CECR2: variants seen among roughly 807,000 people sequenced by gnomAD.
CECR2 encodes chromatin remodeling regulator CECR2.
In CECR2, 30 loss-of-function variants were observed where a neutral mutation model predicts 154.5. The observed-to-expected ratio is 0.19, with a 90% CI of 0.15 to 0.26. CECR2 has a LOEUF of 0.26. Ranked by LOEUF, CECR2 falls within the 10% of genes least tolerant of loss-of-function variation. CECR2 has a pLI of 1.00. For missense variants in CECR2, 1,743 were observed against 1,829.3 expected (o/e 0.95, Z 0.86); for synonymous variants, 725 against 683.7 (o/e 1.06, Z -0.94).
intron 7 of CECR2, among the ~76,000 whole-genome samples, chr22:17,506,495 A>G (rs2055847715): frequency 6.6e-6 from 1 of 152,164 alleles, no homozygotes; most frequent in South Asian, 2.1e-4. Context: ...CACTACGTCC[A>G]TGAACTGTCC....
chr22:17,482,158 C>T (rs2055336423), intron 2 of CECR2, among the ~76,000 whole-genome samples: 1 of 139,498 alleles, frequency 7.2e-6, no homozygotes, highest in Non-Finnish European at 1.5e-5. Context: ...GGCATGGTGA[C>T]TCACGCCTGC....
rs73876447 is a variant in CECR2 at position 17,453,683 on chromosome 22, A to G, written c.127-23905A>G. Among the ~76,000 whole-genome samples, 604 of 152,288 alleles carry G rather than the reference A, an allele frequency of 4.0e-3. 3 individuals carry two copies. Among genetic ancestry groups the G allele is most frequent in the African/African-American group, 0.012 (512 of 41,554 alleles). On this transcript the variant is annotated intron_variant, in intron 1 of 18. Coordinates refer to ENST00000262608, the MANE Select transcript of CECR2 (RefSeq NM_001290047.2). Reference sequence around the variant, plus strand: ...TACCAACATGACTGGCACAAGAATTATATTTTGGTTTTAGAAACTTTTCCT... The same window carrying G: ...TACCAACATGACTGGCACAAGAATTGTATTTTGGTTTTAGAAACTTTTCCT...
intron 8 of CECR2, among the ~76,000 whole-genome samples, chr22:17,523,417 C>G (rs960377679): frequency 6.6e-6 from 1 of 151,426 alleles, no homozygotes; most frequent in African/African-American, 2.4e-5. Flanking sequence ...GAGTGACTGT[C>G]TTTCATCCTA....
At chr22:17,392,098 C>T (rs1386124818) in intron 1 of CECR2, among the ~76,000 whole-genome samples, 5 of 152,168 alleles carry the variant, frequency 3.3e-5, no homozygotes, top group Non-Finnish European at 5.9e-5. Flanking sequence ...GTGTGAGCCA[C>T]CGCGTCTGGC....
intron 1 of CECR2, among the ~76,000 whole-genome samples, chr22:17,405,012 G>C (rs1302982347): frequency 6.6e-6 from 1 of 152,064 alleles, no homozygotes; most frequent in Non-Finnish European, 1.5e-5. Context: ...TTTGATTTCT[G>C]ACAGAAAAGT....
chr22:17,554,802 CAGA>C lies in CECR2; in HGVS notation c.*1965_*1967del, dbSNP rs80264391. The C allele has an allele frequency of 1.1e-4, 16 of 152,304 alleles. No homozygotes were observed. The East Asian group carries it at 2.7e-3, about 26-fold the overall frequency. 9.4% of individuals were successfully genotyped at this position (152,304 alleles called of 1,614,324 possible). ...ACCTGGTTTAGAAGAGTGAAGAGGA[CAGA>C]AGGATTGTGGATGGGTCTGCCCTTT... On this transcript the variant is annotated 3_prime_UTR_variant, in exon 19 of 19. Transcript: ENST00000262608.
chr22:17,538,575 ACTGTT>A lies in CECR2; in HGVS notation c.1276+24_1276+28del. The A allele has an allele frequency of 6.2e-7, 1 of 1,613,572 alleles. No homozygotes were observed. The highest frequency in any genetic ancestry group is 1.1e-5 in the South Asian group (1 of 91,072). Reference sequence around the variant, plus strand: ...GTATAAAGGTTAGTTCCCATTCTCCACTGTTCTGTTTGTGATAGAAGTTTTCCTCT... The same window carrying A: ...GTATAAAGGTTAGTTCCCATTCTCCACTGTTTGTGATAGAAGTTTTCCTCT... On this transcript the variant is annotated intron_variant, in intron 11 of 18. Coordinates refer to ENST00000262608, the MANE Select transcript of CECR2 (RefSeq NM_001290047.2).
chr22:17,547,223 T>C (rs1569157343), intron 16 of CECR2, among the ~76,000 whole-genome samples: 2 of 148,322 alleles, frequency 1.3e-5, no homozygotes, highest in South Asian at 2.1e-4. Flanking sequence ...TTCCATAATA[T>C]GTTAAAAATG....
At chr22:17,486,612 C>T (rs944662059) in intron 2 of CECR2, among the ~76,000 whole-genome samples, 2 of 152,116 alleles carry the variant, frequency 1.3e-5, no homozygotes, top group Non-Finnish European at 2.9e-5. Flanking sequence ...GTGCATTCTC[C>T]CCAGGAAAAA....
Position 17,553,138 on chromosome 22 carries a change from T to G in CECR2, c.*298T>G. The G allele has an allele frequency of 2.5e-6, 1 of 394,820 alleles. No homozygotes were observed. The highest frequency in any genetic ancestry group is 4.1e-6 in the Non-Finnish European group (1 of 244,986). 24.5% of individuals were successfully genotyped at this position (394,820 alleles called of 1,614,324 possible). On this transcript the variant is annotated 3_prime_UTR_variant, in exon 19 of 19. Coordinates refer to ENST00000262608, the MANE Select transcript of CECR2 (RefSeq NM_001290047.2). Reference sequence around the variant, plus strand: ...ATGACTTTTCCAAATCCTGAGACACTTTTCAGGGAAAATCACTTTAAACTT... The same window carrying G: ...ATGACTTTTCCAAATCCTGAGACACGTTTCAGGGAAAATCACTTTAAACTT...
chr22:17,436,439 G>T (rs1279024942), intron 1 of CECR2, among the ~76,000 whole-genome samples: 2 of 152,204 alleles, frequency 1.3e-5, no homozygotes, highest in African/African-American at 4.8e-5. Flanking sequence ...AGAAAGACTT[G>T]GGTTGCTTGT....
chr22:17,515,388 C>CT (rs1171723406), intron 8 of CECR2, among the ~76,000 whole-genome samples: 1 of 152,178 alleles, frequency 6.6e-6, no homozygotes, highest in Middle Eastern at 3.2e-3. Context: ...CCCACCATGT[C>CT]TTTATAGAAA....
At chr22:17,508,423 T>G (rs1332528753) in intron 7 of CECR2, among the ~76,000 whole-genome samples, 2 of 152,170 alleles carry the variant, frequency 1.3e-5, no homozygotes, top group Non-Finnish European at 2.9e-5. Flanking sequence ...TTACTGCACC[T>G]TTTCTATTTA....
chr22:17,411,136 C>G (rs574187560), intron 1 of CECR2, among the ~76,000 whole-genome samples: 2 of 152,288 alleles, frequency 1.3e-5, no homozygotes, highest in South Asian at 4.1e-4. Flanking sequence ...ATATTATGCT[C>G]TTTTAGTACT....
At chr22:17,415,628 T>C (rs961709843) in intron 1 of CECR2, among the ~76,000 whole-genome samples, 9 of 152,190 alleles carry the variant, frequency 5.9e-5, no homozygotes, top group Admixed American at 3.9e-4. Context: ...GGAGATGTCT[T>C]AAAGTAGTGT....
chr22:17,497,577 T>C lies in CECR2; in HGVS notation c.396T>C (p.Asp132=). The C allele has an allele frequency of 6.2e-7, 1 of 1,613,948 alleles. No homozygotes were observed. The highest frequency in any genetic ancestry group is 8.5e-7 in the Non-Finnish European group (1 of 1,179,866). ...DYRLDADDVF[D]LLKGLDADSL... The stretch of plus-strand genomic sequence containing the variant: ...GGCTGGATGCAGACGATGTCTTCGA[T>C]CTTCTAAAGGTATGCTTAACTGGCG... Residue 132 remains aspartate (D), a synonymous_variant, in exon 3 of 19, where the codon GAT becomes GAC. Transcript: ENST00000262608.
chr22:17,553,491 C>T lies in CECR2; in HGVS notation c.*651C>T, dbSNP rs1451129301. On this transcript the variant is annotated 3_prime_UTR_variant, in exon 19 of 19. Coordinates refer to ENST00000262608, the MANE Select transcript of CECR2 (RefSeq NM_001290047.2). The stretch of plus-strand genomic sequence containing the variant: ...GAGATGAGGGTAGGAAAGGTTTGAT[C>T]TTGTAATATGTCACTGTGTTTCCTT... 6.6e-6 allele frequency: 1 copy of T among 152,314 alleles called. No homozygotes were observed. Among genetic ancestry groups the T allele is most frequent in the Non-Finnish European group, 1.5e-5 (1 of 68,152 alleles). The allele number at this position is 152,314 out of a possible 1,614,324, so 9.4% of individuals were successfully genotyped here.
chr22:17,390,874 TAAAC>T (rs1601272611), intron 1 of CECR2, among the ~76,000 whole-genome samples: 2 of 152,226 alleles, frequency 1.3e-5, no homozygotes, highest in African/African-American at 4.8e-5. Context: ...TGAACACTGA[TAAAC>T]AATGTTCAGA....
intron 2 of CECR2, among the ~76,000 whole-genome samples, chr22:17,483,311 G>A (rs2055361367): frequency 6.6e-6 from 1 of 152,242 alleles, no homozygotes; most frequent in Non-Finnish European, 1.5e-5. Context: ...TGTAATCCCA[G>A]CACTCTGGGA....
Sources: gnomAD v4.1 joint callset for allele counts (sites outside exome capture counted in the v4.1 genomes callset) on GRCh38, gnomAD v4.1.1 for gene constraint, MANE v1.5 for transcripts, NCBI Gene and HGNC (gene_info 2026-07-23, HGNC 2026-07-21) for gene names.